Variants in VPS50 observed in about 807,000 individuals in gnomAD.
The protein encoded by VPS50 is VPS50 subunit of EARP/GARPII complex.
In VPS50, 70 loss-of-function variants were observed where a neutral mutation model predicts 139.7. The ratio of observed to expected loss-of-function variants is 0.50; its 90% CI spans 0.41 to 0.61. The LOEUF (loss-of-function observed/expected upper bound fraction) is 0.61, where lower values mean the gene tolerates loss of function less well. VPS50 is among the 20% of genes least tolerant of loss of function. The pLI is 0.00. For missense variants in VPS50, 921 were observed against 1,133.7 expected, an observed-to-expected ratio of 0.81 and a Z score of 2.69; for synonymous variants, 365 against 376.7, an observed-to-expected ratio of 0.97 and a Z score of 0.36.
intron 2 of VPS50, chr7:93,246,090 T>C: frequency 6.6e-7 from 1 of 1,516,078 alleles, no homozygotes; most frequent in Admixed American, 2.0e-5. Flanking sequence ...TTCTTTTTTT[T>C]TTTGCTTTCA....
chr7:93,324,209 G>C (rs989326469), intron 21 of VPS50, among the ~76,000 whole-genome samples: 2 of 152,150 alleles, frequency 1.3e-5, no homozygotes, highest in Non-Finnish European at 2.9e-5. Flanking sequence ...GGGTTTTCTA[G>C]ATATACAATC....
At chr7:93,272,613 G>T (rs1245764274) in intron 10 of VPS50, 22 bp from the exon 11 acceptor site, 5 of 1,057,802 alleles carry the variant, frequency 4.7e-6, no homozygotes, top group African/African-American at 1.7e-5. Flanking sequence ...ACCATGTCTT[G>T]CTTCTTCTTT....
At chr7:93,286,179 G>T (rs1381941638) in intron 12 of VPS50, among the ~76,000 whole-genome samples, 3 of 151,962 alleles carry the variant, frequency 2.0e-5, no homozygotes, top group South Asian at 2.1e-4. Flanking sequence ...ATTAAATTTC[G>T]ATTTCTTATC....
Position 93,237,051 on chromosome 7 carries a change from T to C in VPS50, c.34-2815T>C, listed in dbSNP as rs373879293. On this transcript the variant is annotated intron_variant, in intron 1 of 27. Coordinates refer to ENST00000305866, the MANE Select transcript of VPS50 (RefSeq NM_017667.4). ...CTGCAAGCTCCGCCTCCCGGGTTCA[T>C]GCCATTCGCCTGCCTCAGCCTCTCA... Among the ~76,000 whole-genome samples the C allele has an allele frequency of 2.7e-3, 377 of 141,360 alleles. 1 individual carries two copies. Among genetic ancestry groups the C allele is most frequent in the African/African-American group, 9.5e-3 (362 of 38,238 alleles). 92.7% of individuals were successfully genotyped at this position (141,360 alleles called of 152,430 possible).
intron 21 of VPS50, among the ~76,000 whole-genome samples, chr7:93,333,568 C>T (rs903217889): frequency 2.0e-5 from 3 of 152,098 alleles, no homozygotes; most frequent in Admixed American, 2.0e-4. Context: ...CTCATTTATG[C>T]TCTTGTGTGA....
chr7:93,257,586 A>G, intron 6 of VPS50, 122 bp downstream of exon 6: 1 of 591,674 alleles, frequency 1.7e-6, no homozygotes, highest in Non-Finnish European at 2.9e-6. Flanking sequence ...ATCATTCCTT[A>G]AGTGAACATA....
Position 93,294,656 on chromosome 7 carries a change from A to G in VPS50, c.1167+20A>G. The G allele has an allele frequency of 1.3e-6, 2 of 1,545,922 alleles. No individual in the cohort carries two copies. Among genetic ancestry groups the G allele is most frequent in the Non-Finnish European group, 8.8e-7 (1 of 1,142,296 alleles). ...TGGCAGGTTTGGTTTTTTTAAAATT[A>G]TTTTTTTCACAGAAGCAATAGAAAT... On this transcript the variant is annotated intron_variant, in intron 14 of 27. Transcript: ENST00000305866.
At chr7:93,310,910 T>TAA (rs1341155677) in intron 19 of VPS50, among the ~76,000 whole-genome samples, 1 of 152,140 alleles carries the variant, frequency 6.6e-6, no homozygotes, top group Non-Finnish European at 1.5e-5. Context: ...ATCAGTTTTT[T>TAA]AAAGAGATGT....
chr7:93,232,627 G>T, intron 1 of VPS50, 127 bp downstream of exon 1: 1 of 830,592 alleles, frequency 1.2e-6, no homozygotes, highest in East Asian at 2.6e-5. Context: ...CAGGGGGACT[G>T]GGAAGCCGGG....
chr7:93,294,719 C>A, intron 14 of VPS50, 83 bp downstream of exon 14: 1 of 1,020,400 alleles, frequency 9.8e-7, no homozygotes, highest in Non-Finnish European at 1.4e-6. Flanking sequence ...TTTAAGTTTT[C>A]TATATATGTA....
chr7:93,334,259 C>G, intron 22 of VPS50, 62 bp downstream of exon 22: 1 of 907,368 alleles, frequency 1.1e-6, no homozygotes, highest in Non-Finnish European at 1.8e-6. Context: ...GCTATTCAAT[C>G]AATTTCATAT....
intron 1 of VPS50, 46 bp from the exon 2 acceptor site, chr7:93,239,820 T>A: frequency 9.1e-7 from 1 of 1,104,102 alleles, no homozygotes; most frequent in Non-Finnish European, 1.4e-6. Flanking sequence ...CCTTTTATAA[T>A]TCTTCAGCAT....
intron 12 of VPS50, among the ~76,000 whole-genome samples, chr7:93,278,782 G>GAT (rs35394421): frequency 0.14 from 21,156 of 147,902 alleles, 1,586 homozygotes; most frequent in South Asian, 0.2. Context: ...GATAGTAGGT[G>GAT]ATATATATAT....
intron 21 of VPS50, among the ~76,000 whole-genome samples, chr7:93,325,137 C>A (rs535776359): frequency 1.3e-5 from 2 of 152,066 alleles, no homozygotes; most frequent in Admixed American, 6.5e-5. Context: ...ACAGAAAAAA[C>A]GCCGCATATC....
chr7:93,276,933 G>A (rs1164450514), intron 12 of VPS50, among the ~76,000 whole-genome samples: 2 of 152,124 alleles, frequency 1.3e-5, no homozygotes, highest in African/African-American at 4.8e-5. Context: ...GCTCTGTTTG[G>A]TATCTATTAA....
At chr7:93,256,928 A>C (rs1795505146) in intron 5 of VPS50, among the ~76,000 whole-genome samples, 1 of 152,096 alleles carries the variant, frequency 6.6e-6, no homozygotes, top group African/African-American at 2.4e-5. Flanking sequence ...GTACTGTCTA[A>C]CTGAATCTGT....
At chr7:93,279,426 G>T (rs1796258385) in intron 12 of VPS50, among the ~76,000 whole-genome samples, 1 of 152,160 alleles carries the variant, frequency 6.6e-6, no homozygotes. Flanking sequence ...AGAAGGTGAT[G>T]AAATCTAAGT....
At chr7:93,238,374 A>T (rs1363022211) in intron 1 of VPS50, among the ~76,000 whole-genome samples, 1 of 151,742 alleles carries the variant, frequency 6.6e-6, no homozygotes, top group East Asian at 1.9e-4. Flanking sequence ...ACAATGCGCT[A>T]ATTTGTGGGA....
intron 9 of VPS50, among the ~76,000 whole-genome samples, chr7:93,265,604 A>T (rs1424601014): frequency 6.6e-6 from 1 of 152,018 alleles, no homozygotes; most frequent in Non-Finnish European, 1.5e-5. Flanking sequence ...TCACTGTGTC[A>T]CCCAGGCTGG....
Sources: allele counts gnomAD v4.1 joint callset (sites outside exome capture counted in the v4.1 genomes callset), GRCh38; gene constraint gnomAD v4.1.1; transcripts MANE v1.5; gene names NCBI Gene and HGNC (gene_info 2026-07-23, HGNC 2026-07-21).